The following C3 variants were observed in gnomAD, a reference collection of about 807,000 sequenced individuals.
The protein encoded by C3 is C3 and PZP-like alpha-2-macroglobulin domain-containing protein 1.
Under a neutral mutation model 207.9 loss-of-function variants are expected in C3, and 97 were observed. The ratio of observed to expected loss-of-function variants is 0.47; its 90% CI spans 0.40 to 0.55. The LOEUF (loss-of-function observed/expected upper bound fraction) is 0.55. Ranked by LOEUF, C3 falls within the 20% of genes least tolerant of loss-of-function variation. C3 has a pLI of 0.00. For missense variants in C3, 1,684 were observed against 2,171.7 expected, an observed-to-expected ratio of 0.78 and a Z score of 4.46; for synonymous variants, 848 against 857.6, an observed-to-expected ratio of 0.99 and a Z score of 0.20.
chr19:6,690,738 G>T lies in C3; in HGVS notation c.3391-11C>A. On this transcript the variant is annotated splice_polypyrimidine_tract_variant and intron_variant, in intron 26 of 40. Coordinates refer to ENST00000245907, the MANE Select transcript of C3 (RefSeq NM_000064.4). ...GTTCCGTAATCCACCCTGAGATAGA[G>T]AGCAGAAAGCAAGGATGGGGTCACC... 6.2e-7 allele frequency: 1 copy of T among 1,610,332 alleles called. No homozygotes were observed. Among genetic ancestry groups the T allele is most frequent in the South Asian group, 1.1e-5 (1 of 90,988 alleles).
chr19:6,686,574 C>CCAGCT, intron 28 of C3, 172 bp downstream of exon 28: 1 of 815,404 alleles, frequency 1.2e-6, no homozygotes, highest in Non-Finnish European at 2.1e-6. Context: ...GCCGTGCATC[C>CCAGCT]CAGCTCAGCT....
At chr19:6,702,325 T>C (rs1967694108) in intron 18 of C3, 113 bp from the exon 19 acceptor site, 1 of 934,722 alleles carries the variant, frequency 1.1e-6, no homozygotes, top group Non-Finnish European at 1.8e-6. Context: ...TGGGGGTGCC[T>C]CCATGTAGGT....
Position 6,684,897 on chromosome 19 carries a change from T to C in C3, c.3970-63A>G, listed in dbSNP as rs1350096326. On this transcript the variant is annotated intron_variant, in intron 30 of 40. Transcript: ENST00000245907. ...TTAAGCCTTCTGCTGCCTGTGATGGTCACCTGGCCCTCCCTCTTGCTTCCC... is the reference window on the plus strand; with the variant it reads ...TTAAGCCTTCTGCTGCCTGTGATGGCCACCTGGCCCTCCCTCTTGCTTCCC... The C allele has an allele frequency of 4.4e-6, 7 of 1,605,054 alleles. No individual in the cohort carries two copies. In the East Asian group the frequency reaches 1.6e-4, roughly 36 times the overall value.
chr19:6,700,904 G>A (rs983505841), intron 19 of C3, among the ~76,000 whole-genome samples: 6 of 149,920 alleles, frequency 4.0e-5, no homozygotes, highest in East Asian at 3.9e-4. Flanking sequence ...ATGGCTGGAT[G>A]ACCGAGTGAG....
intron 14 of C3, 65 bp downstream of exon 14, chr19:6,709,619 A>ACCCCCC: frequency 1.4e-4 from 61 of 432,126 alleles, no homozygotes; most frequent in South Asian, 6.2e-4. Flanking sequence ...AGTCCCACCC[A>ACCCCCC]CCTCCCCCAG....
At position 6,694,603 on chromosome 19, in the gene C3, G is replaced by A. The variant is rs1211919460; in HGVS notation, c.2982C>T (p.Ala994=). 1 of 1,613,390 alleles carries A rather than the reference G, an allele frequency of 6.2e-7. No individual in the cohort carries two copies. Among genetic ancestry groups the A allele is most frequent in the Non-Finnish European group, 8.5e-7 (1 of 1,179,916 alleles). ...GGTGCTTCAGCCGTTCCGCGTCGAC[G>A]GCATCCTCTGTCATCTGGGCCACTG... is the stretch of plus-strand genomic sequence containing the variant. The part of the protein sequence containing the change: ...GTPVAQMTED[A]VDAERLKHLI... The change falls in exon 24 of 41, where the codon GCC becomes GCT. Residue 994 remains alanine, a synonymous_variant. Transcript: ENST00000245907.
At chr19:6,691,989 A>AACACACAC (rs57940862) in intron 26 of C3, among the ~76,000 whole-genome samples, 57 of 136,934 alleles carry the variant, frequency 4.2e-4, no homozygotes, top group Middle Eastern at 3.8e-3. Flanking sequence ...CTCCATCTCA[A>AACACACAC]ACACACACAC....
intron 38 of C3, 41 bp downstream of exon 38, chr19:6,679,084 C>T (rs779724493): frequency 6.7e-7 from 1 of 1,490,636 alleles, no homozygotes; most frequent in African/African-American, 1.4e-5. Context: ...ATTGGACACA[C>T]ACAGCTAAAC....
At chr19:6,687,435 T>G (rs1918038775) in intron 27 of C3, among the ~76,000 whole-genome samples, 1 of 152,210 alleles carries the variant, frequency 6.6e-6, no homozygotes, top group Non-Finnish European at 1.5e-5. Flanking sequence ...CCCACACATT[T>G]AATCTCATAA....
chr19:6,711,679 G>T (rs1967925544), intron 11 of C3, among the ~76,000 whole-genome samples: 2 of 152,188 alleles, frequency 1.3e-5, no homozygotes, highest in Non-Finnish European at 2.9e-5. Context: ...AGGGGTAAGT[G>T]GGGTGCGCAG....
In C3 at chr19:6,678,071, C is replaced by T. The variant is rs570044337; in HGVS notation, c.4851-48G>A. 290 of 1,613,752 alleles carry T rather than the reference C, an allele frequency of 1.8e-4. 1 individual carries two copies. Among genetic ancestry groups the T allele is most frequent in the South Asian group, 1.3e-3 (119 of 91,060 alleles). On this transcript the variant is annotated intron_variant, in intron 40 of 40. Coordinates refer to ENST00000245907, the MANE Select transcript of C3 (RefSeq NM_000064.4). The stretch of plus-strand genomic sequence containing the variant: ...AGGAAGGGGCGTGGTGTGGGCGTGG[C>T]GCAGGGGCGTGACAATGGTGTGGGC...
intron 35 of C3, among the ~76,000 whole-genome samples, chr19:6,681,619 C>T (rs34081046): frequency 0.5 from 75,501 of 151,574 alleles, 18,972 homozygotes; most frequent in South Asian, 0.59. Flanking sequence ...GGTTAGGGAA[C>T]GAGGCAAGAC....
intron 27 of C3, among the ~76,000 whole-genome samples, chr19:6,688,024 T>C (rs916021739): frequency 6.6e-6 from 1 of 151,164 alleles, no homozygotes; most frequent in African/African-American, 2.4e-5. Flanking sequence ...GCCCGGCTAA[T>C]TTTTTGTATT....
At position 6,713,411 on chromosome 19, in the gene C3, A is replaced by G; in HGVS notation, c.872T>C (p.Ile291Thr). ...AGCGGCCTCCGTCTATGGTACCGGA[A>G]TGCGCTTGAGGGATTCAGGCAGGGA... ...RISLPESLKRIPIEDGSGEVV... is the reference protein window; with the variant it reads ...RISLPESLKRTPIEDGSGEVV... Residue 291 changes from isoleucine to threonine, a missense_variant, in exon 8 of 41, where the codon ATT becomes ACT. Ile to Thr is a moderately conservative substitution (Grantham distance 89, BLOSUM62 -1). This residue lies in a region of C3 where 1,280 missense variants were observed against 1,739.1 expected (regional missense o/e 0.74). Coordinates refer to ENST00000245907, the MANE Select transcript of C3 (RefSeq NM_000064.4). The G allele has an allele frequency of 6.2e-7, 1 of 1,613,886 alleles. No homozygotes were observed. Among genetic ancestry groups the G allele is most frequent in the Non-Finnish European group, 8.5e-7 (1 of 1,179,862 alleles).
rs745995239 is a variant in C3, at chr19:6,707,575, C to G, written c.1976-38G>C. 11 of 1,610,572 alleles carry G rather than the reference C, an allele frequency of 6.8e-6. No individual in the cohort carries two copies. The African/African-American group carries it at 1.5e-4, about 22-fold the overall frequency. Reference sequence around the variant, plus strand: ...CGGACCGAGAAGAAGATGGATGAGGCACCTACTAGGTGTCCTCGGTTCACC... The same window carrying G: ...CGGACCGAGAAGAAGATGGATGAGGGACCTACTAGGTGTCCTCGGTTCACC... On this transcript the variant is annotated intron_variant, in intron 15 of 40. Coordinates refer to ENST00000245907, the MANE Select transcript of C3 (RefSeq NM_000064.4).
chr19:6,680,813 T>C (rs2145391997), intron 35 of C3, among the ~76,000 whole-genome samples: 3 of 151,932 alleles, frequency 2.0e-5, no homozygotes, highest in South Asian at 4.2e-4. Flanking sequence ...GATATGGGGA[T>C]AGGAGAATGG....
chr19:6,700,276 TATAAC>T (rs1207294382), intron 19 of C3, among the ~76,000 whole-genome samples: 1 of 64,938 alleles, frequency 1.5e-5, no homozygotes, highest in Non-Finnish European at 2.7e-5. Flanking sequence ...ATATGCAACA[TATAAC>T]ATATTATATA....
intron 14 of C3, 104 bp from the exon 15 acceptor site, chr19:6,708,033 C>A: frequency 7.4e-7 from 1 of 1,354,432 alleles, no homozygotes; most frequent in Non-Finnish European, 1.0e-6. Context: ...CCCACCCTGT[C>A]CCACTCTCAT....
intron 19 of C3, among the ~76,000 whole-genome samples, chr19:6,699,319 C>T (rs10408682): frequency 0.11 from 16,695 of 150,604 alleles, 1,156 homozygotes; most frequent in Non-Finnish European, 0.14. Context: ...AATGATTTGC[C>T]GGCCTCAGCC....
Sources: allele counts gnomAD v4.1 joint callset (sites outside exome capture counted in the v4.1 genomes callset), GRCh38; gene constraint gnomAD v4.1.1; regional missense constraint gnomAD v4.1.1; transcripts MANE v1.5; gene names NCBI Gene and HGNC (gene_info 2026-07-23, HGNC 2026-07-21).